The following ITFG2 variants were observed in gnomAD, a reference collection of about 807,000 sequenced individuals.
The protein encoded by ITFG2 is integrin alpha FG-GAP repeat containing 2.
ITFG2 carries 36 observed loss-of-function variants against 54.4 expected under a neutral mutation model. That is an observed-to-expected ratio of 0.66 (90% confidence interval 0.51 to 0.87). The LOEUF (loss-of-function observed/expected upper bound fraction) is 0.87. Ranked by LOEUF, ITFG2 falls within the 40% of genes least tolerant of loss-of-function variation. ITFG2 has a pLI of 0.00. For missense variants in ITFG2, 524 were observed against 576.7 expected, an observed-to-expected ratio of 0.91 and a Z score of 0.94; for synonymous variants, 211 against 225.4, an observed-to-expected ratio of 0.94 and a Z score of 0.57.
At chr12:2,838,356 G>A (rs967259094) in intron 1 of ITFG2, among the ~76,000 whole-genome samples, 7 of 152,134 alleles carry the variant, frequency 4.6e-5, no homozygotes, top group Admixed American at 1.3e-4. Flanking sequence ...TGGGGGAGTT[G>A]TGCTAAATTA....
chr12:2,859,094 C>T (rs747232406), intron 3 of ITFG2: 37 of 1,606,420 alleles, frequency 2.3e-5, no homozygotes, highest in South Asian at 3.3e-5. Context: ...CAGATTTGCT[C>T]GGGGTGGAGG....
chr12:2,828,401 A>G, downstream of ITFG2: 2 of 1,614,092 alleles, frequency 1.2e-6, no homozygotes, highest in Non-Finnish European at 1.7e-6. Context: ...CACTCTAAGC[A>G]GCTGGTCCTG....
intron 2 of ITFG2, chr12:2,849,318 T>G: frequency 1.3e-6 from 2 of 1,536,156 alleles, no homozygotes. Context: ...GTAAGGCAGT[T>G]CTGTCCTTTA....
upstream of ITFG2, chr12:2,834,813 G>A (rs139928974): frequency 2.9e-5 from 46 of 1,613,498 alleles, no homozygotes; most frequent in African/African-American, 4.3e-4. Context: ...CATCTCTCCT[G>A]GCCTCCTGCT....
intron 2 of ITFG2, chr12:2,849,576 G>A (rs2098063622): frequency 6.5e-7 from 1 of 1,530,434 alleles, no homozygotes. Context: ...AAGAGATCCA[G>A]GGACAGTGGA....
intron 1 of ITFG2, among the ~76,000 whole-genome samples, chr12:2,838,283 A>G (rs2098033268): frequency 6.6e-6 from 1 of 152,206 alleles, no homozygotes; most frequent in African/African-American, 2.4e-5. Flanking sequence ...TATTCTTAGC[A>G]ATTCATTCCT....
chr12:2,831,043 C>T (rs1019398384), downstream of ITFG2: 2 of 530,150 alleles, frequency 3.8e-6, no homozygotes, highest in Non-Finnish European at 6.3e-6. Context: ...TCAAATCATG[C>T]CGTTTTCCTT....
intron 2 of ITFG2, chr12:2,830,747 G>C: frequency 6.2e-7 from 1 of 1,613,730 alleles, no homozygotes; most frequent in Non-Finnish European, 8.5e-7. Context: ...CTGTCCTGCT[G>C]GTCTTCCTCC....
rs1360469109 is a variant in ITFG2 at position 2,818,216 on chromosome 12, G to A, written c.345G>A (p.Gln115=). 38 of 1,613,906 alleles carry A rather than the reference G, an allele frequency of 2.4e-5. No homozygotes were observed. Among genetic ancestry groups the A allele is most frequent in the Non-Finnish European group, 3.2e-5 (38 of 1,180,040 alleles). Residue 115 remains glutamine, a synonymous_variant, in exon 4 of 12, where the codon CAG becomes CAA. Coordinates refer to ENST00000228799, the MANE Select transcript of ITFG2 (RefSeq NM_018463.4). ...ACGAGACACTAATCGGAGAGGAGCAGCGTCCAGTCTTCAAGCAGCACATCC... is the reference window on the plus strand; with the variant it reads ...ACGAGACACTAATCGGAGAGGAGCAACGTCCAGTCTTCAAGCAGCACATCC... ...GHHETLIGEE[Q]RPVFKQHIPA...
intron 5 of ITFG2, 90 bp from the exon 6 acceptor site, chr12:2,820,634 G>A (rs926404295): frequency 4.4e-5 from 6 of 135,572 alleles, no homozygotes; most frequent in African/African-American, 2.7e-4. Context: ...CCCTGCCCCC[G>A]CCCCCGCCCA....
At chr12:2,856,546 G>A (rs2098087929) in intron 2 of ITFG2, among the ~76,000 whole-genome samples, 1 of 152,124 alleles carries the variant, frequency 6.6e-6, no homozygotes, top group Non-Finnish European at 1.5e-5. Flanking sequence ...GGTATTTTTA[G>A]TAGAGACGGT....
chr12:2,813,507 A>G (rs920610381), intron 1 of ITFG2, among the ~76,000 whole-genome samples: 1 of 152,236 alleles, frequency 6.6e-6, no homozygotes, highest in African/African-American at 2.4e-5. Context: ...CAGATAGCTC[A>G]TAATCAAGCT....
intron 2 of ITFG2, among the ~76,000 whole-genome samples, chr12:2,854,239 G>T (rs923747357): frequency 6.6e-6 from 1 of 151,984 alleles, no homozygotes; most frequent in African/African-American, 2.4e-5. Flanking sequence ...TGGTCAGGCT[G>T]GTCTGGAACT....
chr12:2,821,240 TC>T (rs2097943106), intron 6 of ITFG2, 21 bp from the exon 7 acceptor site: 1 of 1,578,908 alleles, frequency 6.3e-7, no homozygotes, highest in Admixed American at 1.8e-5. Context: ...TCCCGCTTGA[TC>T]CGTCCACCTG....
At chr12:2,838,906 G>A (rs577120190) in intron 1 of ITFG2, among the ~76,000 whole-genome samples, 2 of 152,116 alleles carry the variant, frequency 1.3e-5, no homozygotes, top group Non-Finnish European at 2.9e-5. Context: ...AATGTGGGGA[G>A]TGTTGTGAGG....
At chr12:2,856,482 C>T (rs549479118) in intron 2 of ITFG2, among the ~76,000 whole-genome samples, 4 of 152,302 alleles carry the variant, frequency 2.6e-5, no homozygotes, top group African/African-American at 9.6e-5. Flanking sequence ...TCTCCTGCCT[C>T]AGCCTCCTGA....
At chr12:2,855,423 GA>G in intron 2 of ITFG2, 1 of 1,349,756 alleles carries the variant, frequency 7.4e-7, no homozygotes. Context: ...GGGAGGGTGG[GA>G]GGGACTCGCT....
intron 2 of ITFG2, chr12:2,849,237 G>T: frequency 1.3e-6 from 2 of 1,535,636 alleles, no homozygotes; most frequent in Non-Finnish European, 1.7e-6. Flanking sequence ...CCTTCTAGAA[G>T]TGTCCAGGTC....
intron 2 of ITFG2, among the ~76,000 whole-genome samples, chr12:2,853,693 G>A (rs898164082): frequency 6.6e-6 from 1 of 152,052 alleles, no homozygotes; most frequent in Non-Finnish European, 1.5e-5. Flanking sequence ...TGGAATTTGA[G>A]ACATTCCTTT....
Sources: allele counts gnomAD v4.1 joint callset (sites outside exome capture counted in the v4.1 genomes callset), GRCh38; gene constraint gnomAD v4.1.1; transcripts MANE v1.5; gene names NCBI Gene and HGNC (gene_info 2026-07-23, HGNC 2026-07-21).